Variants in ANKS1B observed in about 807,000 individuals in gnomAD.
ANKS1B encodes ankyrin repeat and sterile alpha motif domain containing 1B, also known as ankyrin repeat and sterile alpha motif domain-containing protein 1B.
In ANKS1B, 36 loss-of-function variants were observed where a neutral mutation model predicts 148.3. That is an observed-to-expected ratio of 0.24 (90% CI 0.19 to 0.32). The LOEUF is 0.32. Ranked by LOEUF, ANKS1B falls within the 10% of genes least tolerant of loss-of-function variation. The probability of loss-of-function intolerance (pLI) is 1.00; values close to 1 mark genes in which losing one functional copy is unlikely to be tolerated. For synonymous variants in ANKS1B, 542 were observed against 560.8 expected (o/e 0.97, Z 0.47); for missense variants, 1,157 against 1,542.6 (o/e 0.75, Z 4.19).
At chr12:99,032,105 G>A (rs940102653) in intron 17 of ANKS1B, among the ~76,000 whole-genome samples, 5 of 152,124 alleles carry the variant, frequency 3.3e-5, no homozygotes, top group African/African-American at 9.7e-5. Flanking sequence ...GGAAGCCATC[G>A]TGCCCAAACC....
chr12:99,929,691 G>T (rs955637756), intron 1 of ANKS1B, among the ~76,000 whole-genome samples: 1 of 152,150 alleles, frequency 6.6e-6, no homozygotes, highest in Admixed American at 6.5e-5. Context: ...GTAAGGAAGG[G>T]ATCCAGTTTC....
At chr12:98,811,415 C>T (rs1255298748) in intron 19 of ANKS1B, among the ~76,000 whole-genome samples, 1 of 152,154 alleles carries the variant, frequency 6.6e-6, no homozygotes, top group Non-Finnish European at 1.5e-5. Flanking sequence ...TCTGTGAACA[C>T]TCCCCCTCTC....
At chr12:99,530,074 G>A (rs892707203) in intron 9 of ANKS1B, among the ~76,000 whole-genome samples, 5 of 152,176 alleles carry the variant, frequency 3.3e-5, no homozygotes, top group African/African-American at 1.2e-4. Flanking sequence ...CAGTATTGGT[G>A]TTGTAGCACA....
chr12:99,098,996 T>G (rs1049413060), intron 15 of ANKS1B, among the ~76,000 whole-genome samples: 1 of 152,168 alleles, frequency 6.6e-6, no homozygotes, highest in African/African-American at 2.4e-5. Flanking sequence ...ATGGGAGGTC[T>G]TGCTTCCTGC....
intron 9 of ANKS1B, among the ~76,000 whole-genome samples, chr12:99,523,352 A>T (rs1415760043): frequency 1.3e-5 from 2 of 152,160 alleles, no homozygotes; most frequent in East Asian, 3.8e-4. Flanking sequence ...AAAAGGTAAA[A>T]TAGTGATTAG....
chr12:98,973,206 C>G (rs188612690), intron 17 of ANKS1B, among the ~76,000 whole-genome samples: 1 of 123,658 alleles, frequency 8.1e-6, no homozygotes, highest in Non-Finnish European at 1.6e-5. Context: ...TTAGACTAAA[C>G]GAAATGCAAA....
At chr12:99,798,433 A>AAAC (rs372282507) in intron 4 of ANKS1B, among the ~76,000 whole-genome samples, 69,878 of 144,990 alleles carry the variant, frequency 0.48, 16,942 homozygotes, top group East Asian at 0.57. Context: ...TAAAAAAAAA[A>AAAC]AAAAAAAAAA....
intron 17 of ANKS1B, among the ~76,000 whole-genome samples, chr12:98,871,192 C>A (rs185651269): frequency 5.8e-4 from 89 of 152,192 alleles, no homozygotes; most frequent in Middle Eastern, 3.4e-3. Context: ...ATTTCAAATT[C>A]CTTTTTTTCT....
intron 1 of ANKS1B, among the ~76,000 whole-genome samples, chr12:99,909,742 A>G (rs7135633): frequency 0.63 from 96,268 of 151,972 alleles, 32,116 homozygotes; most frequent in African/African-American, 0.78. Flanking sequence ...CCATACAAAT[A>G]TTTTCTATTT....
chr12:99,366,608 T>C (rs1318195290), intron 12 of ANKS1B, among the ~76,000 whole-genome samples: 1 of 152,170 alleles, frequency 6.6e-6, no homozygotes, highest in Non-Finnish European at 1.5e-5. Flanking sequence ...GGAAAGATGA[T>C]CTTTAGAATA....
At chr12:99,186,743 G>A (rs138214147) in intron 14 of ANKS1B, among the ~76,000 whole-genome samples, 3 of 152,158 alleles carry the variant, frequency 2.0e-5, no homozygotes, top group East Asian at 3.9e-4. Context: ...AAGTCCAAAG[G>A]TAGATAAATC....
At chr12:99,346,185 A>T (rs147373063) in intron 12 of ANKS1B, among the ~76,000 whole-genome samples, 1 of 152,180 alleles carries the variant, frequency 6.6e-6, no homozygotes, top group African/African-American at 2.4e-5. Context: ...TTGGGATATC[A>T]TATGAATTCC....
At chr12:99,958,340 T>C (rs1566083135) in intron 1 of ANKS1B, among the ~76,000 whole-genome samples, 3 of 152,134 alleles carry the variant, frequency 2.0e-5, no homozygotes, top group South Asian at 4.1e-4. Context: ...CCAAAGAGTA[T>C]GGACTTTATT....
intron 9 of ANKS1B, among the ~76,000 whole-genome samples, chr12:99,583,535 CT>C (rs1284412769): frequency 6.6e-6 from 1 of 152,092 alleles, no homozygotes; most frequent in Non-Finnish European, 1.5e-5. Flanking sequence ...ATGATCAGTT[CT>C]TTTTCCACTG....
At chr12:99,520,556 T>C (rs1423672744) in intron 9 of ANKS1B, among the ~76,000 whole-genome samples, 8 of 152,200 alleles carry the variant, frequency 5.3e-5, no homozygotes, top group Non-Finnish European at 8.8e-5. Flanking sequence ...GTAATCTTCT[T>C]TGGTTTAAAT....
intron 17 of ANKS1B, among the ~76,000 whole-genome samples, chr12:99,020,713 A>G (rs1399249606): frequency 1.3e-5 from 2 of 152,132 alleles, no homozygotes; most frequent in Non-Finnish European, 2.9e-5. Flanking sequence ...ACATATATAC[A>G]CTGTCTTTGG....
chr12:99,334,674 A>G (rs956492235), intron 12 of ANKS1B, among the ~76,000 whole-genome samples: 1 of 152,048 alleles, frequency 6.6e-6, no homozygotes, highest in African/African-American at 2.4e-5. Context: ...AAAATGAAAG[A>G]ATAATAATAG....
intron 9 of ANKS1B, among the ~76,000 whole-genome samples, chr12:99,556,605 C>A (rs1295359708): frequency 6.6e-6 from 1 of 152,186 alleles, no homozygotes; most frequent in Admixed American, 6.5e-5. Flanking sequence ...CCTCTTAACA[C>A]TGCTTTAGCT....
Position 98,832,085 on chromosome 12 carries a change from C to G in ANKS1B, c.2830G>C (p.Gly944Arg). ...GHRKRILASL[G>R]DRLHDDPPQK... is the part of the protein sequence containing the mutation. The stretch of plus-strand genomic sequence containing the variant: ...GGGGGATCGTCGTGCAGCCTGTCTC[C>G]CAGAGATGCCAAAATACGTTTCCTG... Residue 944 changes from glycine (G) to arginine (R), a missense_variant, in exon 18 of 27, where the codon GGA becomes CGA. This residue lies in a region of ANKS1B where 258 missense variants were observed against 497.0 expected (regional missense o/e 0.52). Coordinates refer to ENST00000683438, the MANE Select transcript of ANKS1B (RefSeq NM_001352186.2). 6.3e-7 allele frequency: 1 copy of G among 1,597,358 alleles called. No homozygotes were observed. The highest frequency in any genetic ancestry group is 8.5e-7 in the Non-Finnish European group (1 of 1,171,600).
Sources: gnomAD v4.1 joint callset for allele counts (sites outside exome capture counted in the v4.1 genomes callset) on GRCh38, gnomAD v4.1.1 for gene constraint, gnomAD v4.1.1 regional missense constraint, MANE v1.5 for transcripts, NCBI Gene and HGNC (gene_info 2026-07-23, HGNC 2026-07-21) for gene names.